Variants in SEC22A observed in about 807,000 individuals in gnomAD.
The protein encoded by SEC22A is vesicle-trafficking protein SEC22a.
Under a neutral mutation model 35.3 loss-of-function variants are expected in SEC22A, and 22 were observed. The observed-to-expected ratio is 0.62, with a 90% CI of 0.45 to 0.89. SEC22A has a LOEUF of 0.89. SEC22A is among the 40% of genes least tolerant of loss of function. SEC22A has a pLI of 0.00. For synonymous variants in SEC22A, 119 were observed against 129.5 expected (o/e 0.92, Z 0.55); for missense variants, 354 against 362.5 (o/e 0.98, Z 0.19).
At chr3:123,225,474 G>T (rs1054345065) in intron 4 of SEC22A, among the ~76,000 whole-genome samples, 177 bp downstream of exon 4, 35 of 151,994 alleles carry the variant, frequency 2.3e-4, no homozygotes, top group African/African-American at 7.0e-4. Flanking sequence ...GTGACTAATC[G>T]GGAAAATACT....
intron 2 of SEC22A, among the ~76,000 whole-genome samples, chr3:123,218,354 A>G (rs1318495348): frequency 6.6e-6 from 1 of 152,240 alleles, no homozygotes; most frequent in African/African-American, 2.4e-5. Flanking sequence ...AAGCCCAGAA[A>G]TGGAATGGAG....
Position 123,271,612 on chromosome 3 carries a change from G to C in SEC22A, c.814G>C (p.Glu272Gln), listed in dbSNP as rs182946510. ...CTGTCTATGCAACATGTATCTCTAT[G>C]AACTGCGCAACCTCTGGCAGCTTTT... ...LICLCNMYLY[E>Q]LRNLWQLFFH... is the part of the protein sequence containing the mutation. The change falls in exon 7 of 7, where the codon GAA becomes CAA. Residue 272 changes from glutamate to glutamine, a missense_variant. By Grantham distance (29) the Glu-to-Gln change is conservative. Transcript: ENST00000492595. 3 of 1,614,122 alleles carry C rather than the reference G, an allele frequency of 1.9e-6. No individual in the cohort carries two copies. The Admixed American group carries it at 5.0e-5, about 27-fold the overall frequency.
chr3:123,226,143 A>G (rs558291578), intron 4 of SEC22A, among the ~76,000 whole-genome samples: 2 of 152,320 alleles, frequency 1.3e-5, no homozygotes, highest in South Asian at 4.1e-4. Flanking sequence ...TGTTGTGAAT[A>G]TACTGCAGTA....
At chr3:123,253,396 C>T (rs1937640864) in intron 5 of SEC22A, among the ~76,000 whole-genome samples, 1 of 152,130 alleles carries the variant, frequency 6.6e-6, no homozygotes, top group Non-Finnish European at 1.5e-5. Context: ...TTCCCATAGA[C>T]TTGTTGATGC....
At chr3:123,224,443 T>C (rs919257090) in intron 3 of SEC22A, among the ~76,000 whole-genome samples, 2 of 152,360 alleles carry the variant, frequency 1.3e-5, no homozygotes, top group Admixed American at 6.5e-5. Context: ...TCTTATGTAA[T>C]TGCAGCTGGT....
chr3:123,218,613 G>A (rs769043300), intron 2 of SEC22A, among the ~76,000 whole-genome samples: 3 of 152,028 alleles, frequency 2.0e-5, no homozygotes, highest in Non-Finnish European at 2.9e-5. Context: ...AGGACATGTC[G>A]AAGATTCACT....
Position 123,269,578 on chromosome 3 carries a change from C to A in SEC22A, c.724-1944C>A, listed in dbSNP as rs144170556. Among the ~76,000 whole-genome samples, 159 of 151,504 alleles carry A rather than the reference C, an allele frequency of 1.0e-3. 1 individual carries two copies. Among genetic ancestry groups the A allele is most frequent in the African/African-American group, 3.6e-3 (147 of 41,318 alleles). On this transcript the variant is annotated intron_variant, in intron 6 of 6. Coordinates refer to ENST00000492595, the MANE Select transcript of SEC22A (RefSeq NM_012430.5). The stretch of plus-strand genomic sequence containing the variant: ...AGACACACCCAAGTTGAGGGACATT[C>A]CTACAACATAACTGATTAATACTCT...
chr3:123,249,126 G>A (rs1389557000), intron 5 of SEC22A, among the ~76,000 whole-genome samples: 1 of 152,152 alleles, frequency 6.6e-6, no homozygotes, highest in Non-Finnish European at 1.5e-5. Context: ...AAAGAATAAA[G>A]GTGAATAGCC....
intron 4 of SEC22A, among the ~76,000 whole-genome samples, chr3:123,244,168 G>C (rs1366958844): frequency 2.6e-5 from 4 of 152,108 alleles, no homozygotes; most frequent in African/African-American, 9.7e-5. Flanking sequence ...TAAATATCTA[G>C]TTCAGTTTGT....
At chr3:123,257,728 C>T (rs554881575) in intron 5 of SEC22A, among the ~76,000 whole-genome samples, 21 of 151,770 alleles carry the variant, frequency 1.4e-4, no homozygotes, top group African/African-American at 4.8e-4. Context: ...CAGTGGCTCA[C>T]GCCTGTAATC....
chr3:123,268,921 A>G (rs1012230086), intron 6 of SEC22A, among the ~76,000 whole-genome samples: 19 of 152,250 alleles, frequency 1.2e-4, no homozygotes, highest in African/African-American at 4.6e-4. Context: ...AGTTCAGGCA[A>G]GTACCACAAT....
chr3:123,263,463 A>T (rs1005257327), intron 6 of SEC22A, among the ~76,000 whole-genome samples: 2 of 152,232 alleles, frequency 1.3e-5, no homozygotes, highest in African/African-American at 4.8e-5. Context: ...TCCTAATACC[A>T]TCACATTAGG....
intron 4 of SEC22A, among the ~76,000 whole-genome samples, chr3:123,241,741 A>C (rs925481813): frequency 6.6e-6 from 1 of 152,124 alleles, no homozygotes; most frequent in Admixed American, 6.6e-5. Context: ...CAGTTGTTCA[A>C]CCTCTTGCAA....
At chr3:123,226,204 G>T (rs1161953014) in intron 4 of SEC22A, among the ~76,000 whole-genome samples, 1 of 152,116 alleles carries the variant, frequency 6.6e-6, no homozygotes, top group Non-Finnish European at 1.5e-5. Flanking sequence ...TTTCTTTTGG[G>T]TATATAGCTA....
At position 123,209,204 on chromosome 3, in the gene SEC22A, C is replaced by A; in HGVS notation, c.-14C>A. On this transcript the variant is annotated 5_prime_UTR_variant, in exon 2 of 7. Coordinates refer to ENST00000492595, the MANE Select transcript of SEC22A (RefSeq NM_012430.5). ...AATTGTTCATTTTGTTTTAGGTCTT[C>A]TCTGTTGGTTGAAATGTCTATGATT... 2 of 1,612,320 alleles carry A rather than the reference C, an allele frequency of 1.2e-6. No individual in the cohort carries two copies. Among genetic ancestry groups the A allele is most frequent in the Non-Finnish European group, 1.7e-6 (2 of 1,178,772 alleles).
intron 5 of SEC22A, among the ~76,000 whole-genome samples, chr3:123,253,200 TG>T (rs1336353609): frequency 6.6e-6 from 1 of 152,202 alleles, no homozygotes; most frequent in African/African-American, 2.4e-5. Flanking sequence ...TGACCCTGCA[TG>T]GGTTATTTTA....
intron 4 of SEC22A, among the ~76,000 whole-genome samples, chr3:123,233,196 T>C (rs1937351861): frequency 6.6e-6 from 1 of 152,174 alleles, no homozygotes; most frequent in Admixed American, 6.5e-5. Flanking sequence ...GAATATATGG[T>C]GGTGATTTCA....
intron 2 of SEC22A, among the ~76,000 whole-genome samples, chr3:123,215,705 T>A (rs1381341673): frequency 1.3e-5 from 2 of 152,182 alleles, no homozygotes; most frequent in Non-Finnish European, 2.9e-5. Flanking sequence ...ATCTTTTGGA[T>A]TCAGGCATCG....
At chr3:123,258,673 A>G (rs150179938) in intron 5 of SEC22A, among the ~76,000 whole-genome samples, 52 of 152,246 alleles carry the variant, frequency 3.4e-4, no homozygotes, top group African/African-American at 1.2e-3. Context: ...AGAAATGATA[A>G]TGAGATACTC....
Sources: allele counts gnomAD v4.1 joint callset (sites outside exome capture counted in the v4.1 genomes callset), GRCh38; gene constraint gnomAD v4.1.1; transcripts MANE v1.5; gene names NCBI Gene and HGNC (gene_info 2026-07-23, HGNC 2026-07-21).